PRTFDC1: variants seen among roughly 807,000 people sequenced by gnomAD.
PRTFDC1 encodes phosphoribosyl transferase domain containing 1.
Under a neutral mutation model 34.6 loss-of-function variants are expected in PRTFDC1, and 38 were observed. The observed-to-expected ratio is 1.10, with a 90% CI of 0.85 to 1.44. PRTFDC1 has a LOEUF of 1.44. Ranked by LOEUF, PRTFDC1 falls within the 40% of genes most tolerant of loss-of-function variation. PRTFDC1 has a pLI of 0.00. For missense variants in PRTFDC1, 270 were observed against 283.0 expected (o/e 0.95, Z 0.33); for synonymous variants, 93 against 98.1 (o/e 0.95, Z 0.31).
At chr10:24,919,752 C>T (rs1848753093) in intron 3 of PRTFDC1, among the ~76,000 whole-genome samples, 1 of 151,796 alleles carries the variant, frequency 6.6e-6, no homozygotes, top group South Asian at 2.1e-4. Flanking sequence ...GGGCTAATAT[C>T]CAGAATCTAC....
At chr10:24,909,853 G>A (rs16925145) in intron 3 of PRTFDC1, among the ~76,000 whole-genome samples, 26,887 of 151,990 alleles carry the variant, frequency 0.18, 3,393 homozygotes, top group African/African-American at 0.35. Flanking sequence ...ACATTCCAAC[G>A]AAATACATAA....
At chr10:24,888,311 G>A (rs1005120239) in intron 3 of PRTFDC1, among the ~76,000 whole-genome samples, 3 of 152,182 alleles carry the variant, frequency 2.0e-5, no homozygotes, top group Middle Eastern at 3.2e-3. Flanking sequence ...ACCCTGCCCT[G>A]CCCCTGTCTT....
chr10:24,891,915 CT>C lies in PRTFDC1; in HGVS notation c.340-19853del, dbSNP rs548576655. Among the ~76,000 whole-genome samples the C allele has an allele frequency of 1.9e-3, 293 of 152,326 alleles. 1 individual carries two copies. The highest frequency in any genetic ancestry group is 6.6e-3 in the African/African-American group (276 of 41,570). ...CTGTCCTGCTAGAGTTCTCAGGCCA[CT>C]TAACATAACCTCCCCCAGGTTTGTC... On this transcript the variant is annotated intron_variant, in intron 3 of 8. Coordinates refer to ENST00000320152, the MANE Select transcript of PRTFDC1 (RefSeq NM_020200.7).
intron 7 of PRTFDC1, among the ~76,000 whole-genome samples, chr10:24,853,684 T>C (rs190090147): frequency 6.6e-6 from 1 of 152,216 alleles, no homozygotes; most frequent in African/African-American, 2.4e-5. Context: ...TAGGGAGCAA[T>C]GCAATCCTTC....
chr10:24,928,205 T>A (rs1361667709), intron 3 of PRTFDC1, among the ~76,000 whole-genome samples: 1 of 152,124 alleles, frequency 6.6e-6, no homozygotes, highest in Non-Finnish European at 1.5e-5. Flanking sequence ...CTTCTAGTCC[T>A]TTATTTTCTT....
intron 6 of PRTFDC1, 95 bp downstream of exon 6, chr10:24,856,818 A>G (rs1471266602): frequency 8.6e-7 from 1 of 1,159,744 alleles, no homozygotes; most frequent in Admixed American, 1.7e-5. Flanking sequence ...AGTTTGGAAT[A>G]TATTACACTC....
At position 24,858,417 on chromosome 10, in the gene PRTFDC1, A is replaced by G; in HGVS notation, c.406-8T>C. On this transcript the variant is annotated splice_region_variant and splice_polypyrimidine_tract_variant and intron_variant, in intron 4 of 8. Coordinates refer to ENST00000320152, the MANE Select transcript of PRTFDC1 (RefSeq NM_020200.7). ...CTCAACAATGAGAACATTCTGAAATAAACAAAACCCATATTTTAGAATGTG... is the reference window on the plus strand; with the variant it reads ...CTCAACAATGAGAACATTCTGAAATGAACAAAACCCATATTTTAGAATGTG... The G allele has an allele frequency of 3.7e-6, 6 of 1,613,324 alleles. No homozygotes were observed. The highest frequency in any genetic ancestry group is 5.1e-6 in the Non-Finnish European group (6 of 1,179,356).
Position 24,849,708 on chromosome 10 carries a change from T to C in PRTFDC1, c.*136A>G. ...TTATATTAACCTCAGAAAAGAAAGC[T>C]CTCTCATTTGAACATTTTTTTCTTT... On this transcript the variant is annotated 3_prime_UTR_variant, in exon 9 of 9. Coordinates refer to ENST00000320152, the MANE Select transcript of PRTFDC1 (RefSeq NM_020200.7). 2.8e-6 allele frequency: 2 copies of C among 721,562 alleles called. No individual in the cohort carries two copies. The highest frequency in any genetic ancestry group is 2.6e-5 in the Admixed American group (1 of 38,876). The allele number at this position is 721,562 out of a possible 1,614,324, so 44.7% of individuals were successfully genotyped here. A position where few individuals can be genotyped will look rare whatever the true frequency, so the allele number is the denominator to read the frequency against.
chr10:24,886,987 G>T (rs1423840769), intron 3 of PRTFDC1, among the ~76,000 whole-genome samples: 1 of 100,344 alleles, frequency 1.0e-5, no homozygotes, highest in African/African-American at 4.0e-5. Context: ...TTTTTGAGAC[G>T]GAGTCTCGCT....
chr10:24,925,739 T>C (rs1343551215), intron 3 of PRTFDC1, among the ~76,000 whole-genome samples: 3 of 152,142 alleles, frequency 2.0e-5, no homozygotes, highest in Non-Finnish European at 2.9e-5. Context: ...GTTTCCAGCT[T>C]CCTCCCTCCT....
At chr10:24,902,080 G>A (rs1245162422) in intron 3 of PRTFDC1, among the ~76,000 whole-genome samples, 1 of 152,220 alleles carries the variant, frequency 6.6e-6, no homozygotes, top group East Asian at 1.9e-4. Context: ...GTTACTGGCA[G>A]TGAAAACTGC....
Position 24,893,494 on chromosome 10 carries a change from A to G in PRTFDC1, c.340-21431T>C, listed in dbSNP as rs139828915. 1.9e-3 allele frequency among the ~76,000 whole-genome samples: 295 copies of G among 152,138 alleles called. 2 individuals are homozygous for G. The highest frequency in any genetic ancestry group is 6.8e-3 in the African/African-American group (282 of 41,504). ...TGTTTTGTTTGTTGGTTTGTTTTGT[A>G]GAGACAGGTCTCAATAGGTTGCCCA... On this transcript the variant is annotated intron_variant, in intron 3 of 8. Coordinates refer to ENST00000320152, the MANE Select transcript of PRTFDC1 (RefSeq NM_020200.7).
intron 3 of PRTFDC1, among the ~76,000 whole-genome samples, chr10:24,889,238 C>T (rs1380583064): frequency 2.0e-5 from 3 of 152,062 alleles, no homozygotes; most frequent in Admixed American, 2.0e-4. Context: ...AGTGGGACCT[C>T]GTCTATGGCC....
chr10:24,903,152 C>T (rs534710354), intron 3 of PRTFDC1, among the ~76,000 whole-genome samples: 4 of 152,160 alleles, frequency 2.6e-5, no homozygotes, highest in African/African-American at 4.8e-5. Context: ...GAGCTGAGAT[C>T]GTGCCTGAGA....
At chr10:24,860,608 T>A (rs1454631072) in intron 4 of PRTFDC1, among the ~76,000 whole-genome samples, 2 of 152,164 alleles carry the variant, frequency 1.3e-5, no homozygotes, top group African/African-American at 4.8e-5. Context: ...CCATTGAAAA[T>A]CTTAATTTTA....
intron 7 of PRTFDC1, among the ~76,000 whole-genome samples, chr10:24,852,289 A>G (rs1023064920): frequency 6.6e-6 from 1 of 151,974 alleles, no homozygotes; most frequent in African/African-American, 2.4e-5. Context: ...AGTAGCTGGG[A>G]AGACAGACGT....
intron 4 of PRTFDC1, chr10:24,867,659 A>G (rs969606259): frequency 2.7e-5 from 4 of 150,532 alleles, no homozygotes; most frequent in African/African-American, 9.8e-5. Context: ...CCATATTTTT[A>G]TTTTTATTAA....
In PRTFDC1 at chr10:24,902,196, G is replaced by A. The variant is rs143950306; in HGVS notation, c.340-30133C>T. ...ATGGAGGAGGGAGGTGATTATCCAG[G>A]ATTTTTTTTTTTTCTCCTTAATCTT... On this transcript the variant is annotated intron_variant, in intron 3 of 8. Coordinates refer to ENST00000320152, the MANE Select transcript of PRTFDC1 (RefSeq NM_020200.7). Among the ~76,000 whole-genome samples the A allele has an allele frequency of 4.8e-3, 728 of 152,052 alleles. 3 individuals carry two copies. The highest frequency in any genetic ancestry group is 0.01 in the Middle Eastern group (3 of 294).
intron 3 of PRTFDC1, among the ~76,000 whole-genome samples, chr10:24,895,468 C>T (rs1380628024): frequency 6.6e-6 from 1 of 150,840 alleles, no homozygotes; most frequent in African/African-American, 2.4e-5. Context: ...TCAGGCTGGT[C>T]TTGAACTCCT....
Sources: allele counts gnomAD v4.1 joint callset (sites outside exome capture counted in the v4.1 genomes callset), GRCh38; gene constraint gnomAD v4.1.1; transcripts MANE v1.5; gene names NCBI Gene and HGNC (gene_info 2026-07-23, HGNC 2026-07-21).